Variants in LRRC36 observed in about 807,000 individuals in gnomAD.
LRRC36 encodes the protein leucine rich repeat containing 36, also known as leucine-rich repeat-containing protein 36.
A neutral mutation model predicts 81.1 loss-of-function variants in LRRC36; 62 were observed. The observed-to-expected ratio is 0.76, with a 90% CI of 0.62 to 0.94. The LOEUF is 0.94. LRRC36 is among the 40% of genes least tolerant of loss of function. The probability of loss-of-function intolerance (pLI) is 0.00; values close to 1 mark genes in which losing one functional copy is unlikely to be tolerated. For synonymous variants in LRRC36, 334 were observed against 348.6 expected, an observed-to-expected ratio of 0.96 and a Z score of 0.47; for missense variants, 761 against 881.7, an observed-to-expected ratio of 0.86 and a Z score of 1.73.
At chr16:67,335,957 C>A (rs912077887) in intron 1 of LRRC36, among the ~76,000 whole-genome samples, 5 of 152,174 alleles carry the variant, frequency 3.3e-5, no homozygotes, top group Non-Finnish European at 7.3e-5. Flanking sequence ...GTCTCAAACC[C>A]CCAGCCTCAG....
At chr16:67,353,230 A>G (rs1000772788) in intron 5 of LRRC36, among the ~76,000 whole-genome samples, 1 of 152,150 alleles carries the variant, frequency 6.6e-6, no homozygotes, top group Non-Finnish European at 1.5e-5. Context: ...CTAGGGTTTC[A>G]TCAGTATTAC....
intron 2 of LRRC36, among the ~76,000 whole-genome samples, chr16:67,345,342 T>TAC (rs1011541653): frequency 3.1e-5 from 4 of 130,624 alleles, no homozygotes; most frequent in African/African-American, 1.7e-4. Flanking sequence ...TATGCGATTA[T>TAC]ACATATGTAC....
At chr16:67,375,526 A>T in intron 10 of LRRC36, 114 bp downstream of exon 10, 1 of 717,552 alleles carries the variant, frequency 1.4e-6, no homozygotes, top group South Asian at 2.8e-5. Flanking sequence ...TCTCATGATC[A>T]CATCCTGAAA....
chr16:67,333,007 T>C (rs1165025408), intron 1 of LRRC36, among the ~76,000 whole-genome samples: 1 of 152,058 alleles, frequency 6.6e-6, no homozygotes, highest in Non-Finnish European at 1.5e-5. Flanking sequence ...TCCTCCTGAC[T>C]CTGCCTACTG....
chr16:67,327,899 G>T (rs1036856530), intron 1 of LRRC36, among the ~76,000 whole-genome samples: 3 of 152,134 alleles, frequency 2.0e-5, no homozygotes, highest in Non-Finnish European at 4.4e-5. Flanking sequence ...GGAACTTACT[G>T]GTGACCTTGA....
At chr16:67,377,284 A>G (rs1273476741) in intron 11 of LRRC36, among the ~76,000 whole-genome samples, 2 of 152,138 alleles carry the variant, frequency 1.3e-5, no homozygotes, top group Non-Finnish European at 2.9e-5. Context: ...GCTCTAGGAA[A>G]GGAAGAAGCA....
chr16:67,337,263 G>T (rs184933787), intron 1 of LRRC36, among the ~76,000 whole-genome samples: 10 of 151,946 alleles, frequency 6.6e-5, no homozygotes, highest in Admixed American at 5.9e-4. Context: ...ACCCAGAAGT[G>T]GAGTTATTCT....
At chr16:67,338,987 T>C (rs547114525) in intron 1 of LRRC36, among the ~76,000 whole-genome samples, 34 of 144,980 alleles carry the variant, frequency 2.3e-4, no homozygotes, top group Middle Eastern at 3.5e-3. Context: ...CCCTGTCTCC[T>C]GGGCTGAAGC....
chr16:67,342,593 C>T (rs1391260394), intron 2 of LRRC36, among the ~76,000 whole-genome samples: 1 of 151,982 alleles, frequency 6.6e-6, no homozygotes, highest in Non-Finnish European at 1.5e-5. Context: ...GAGCAGAGGG[C>T]AGTATAGGAA....
intron 5 of LRRC36, among the ~76,000 whole-genome samples, chr16:67,358,681 A>T (rs2142070042): frequency 6.6e-6 from 1 of 152,126 alleles, no homozygotes; most frequent in East Asian, 1.9e-4. Flanking sequence ...CTTACAACTC[A>T]ATAACAAAAA....
chr16:67,377,993 T>C (rs867693931), intron 11 of LRRC36, among the ~76,000 whole-genome samples: 3 of 152,156 alleles, frequency 2.0e-5, no homozygotes, highest in African/African-American at 4.8e-5. Flanking sequence ...CTAGAAACTT[T>C]AGATAGATCA....
intron 8 of LRRC36, 60 bp downstream of exon 8, chr16:67,367,517 G>A (rs915905362): frequency 6.8e-7 from 1 of 1,478,014 alleles, no homozygotes; most frequent in Middle Eastern, 1.8e-4. Flanking sequence ...GAAGATATAA[G>A]TGAAAATTTT....
At chr16:67,343,104 A>G (rs997063546) in intron 2 of LRRC36, among the ~76,000 whole-genome samples, 1 of 152,230 alleles carries the variant, frequency 6.6e-6, no homozygotes, top group African/African-American at 2.4e-5. Flanking sequence ...TTAAAAAATG[A>G]AAAGATAAAA....
At chr16:67,371,740 G>A (rs968558278) in intron 9 of LRRC36, 11 of 194,180 alleles carry the variant, frequency 5.7e-5, no homozygotes, top group Admixed American at 1.1e-4. Flanking sequence ...GTGTGGTGGC[G>A]CACGCCTGTA....
At chr16:67,339,259 TAAA>T (rs57925409) in intron 1 of LRRC36, among the ~76,000 whole-genome samples, 6 of 122,982 alleles carry the variant, frequency 4.9e-5, no homozygotes, top group African/African-American at 5.8e-5. Flanking sequence ...GTTAATACTG[TAAA>T]AAAAAAAAAA....
At chr16:67,354,365 C>A (rs920715284) in intron 5 of LRRC36, among the ~76,000 whole-genome samples, 1 of 152,096 alleles carries the variant, frequency 6.6e-6, no homozygotes, top group Admixed American at 6.6e-5. Context: ...GCAACTTCCA[C>A]CTCCCGGGTT....
At position 67,341,876 on chromosome 16, in the gene LRRC36, A is replaced by G. The variant is rs565100428; in HGVS notation, c.71-81A>G. 2.2e-5 allele frequency: 25 copies of G among 1,152,236 alleles called. No individual in the cohort carries two copies. In the Middle Eastern group the frequency reaches 6.1e-4, roughly 28 times the overall value. The allele number at this position is 1,152,236 out of a possible 1,614,324, so 71.4% of individuals were successfully genotyped here. A position where few individuals can be genotyped will look rare whatever the true frequency, so the allele number is the denominator to read the frequency against. ...GGGCCTTGCACAGTTGAGATATGGGAGGAAGAAAGGCCTACTTTCACTGAC... is the reference window on the plus strand; with the variant it reads ...GGGCCTTGCACAGTTGAGATATGGGGGGAAGAAAGGCCTACTTTCACTGAC... On this transcript the variant is annotated intron_variant, in intron 1 of 13. Coordinates refer to ENST00000329956, the MANE Select transcript of LRRC36 (RefSeq NM_018296.6).
At chr16:67,366,839 G>A (rs1741713703) in intron 7 of LRRC36, among the ~76,000 whole-genome samples, 178 bp from the exon 8 acceptor site, 1 of 152,090 alleles carries the variant, frequency 6.6e-6, no homozygotes, top group African/African-American at 2.4e-5. Flanking sequence ...GGTGGTGGTG[G>A]TGTTCCATGT....
intron 8 of LRRC36, 47 bp downstream of exon 8, chr16:67,367,504 A>G (rs752797917): frequency 6.6e-7 from 1 of 1,506,992 alleles, no homozygotes; most frequent in South Asian, 1.3e-5. Context: ...AGGCATGAAG[A>G]TAGAAGATAT....
Sources: allele counts gnomAD v4.1 joint callset (sites outside exome capture counted in the v4.1 genomes callset), GRCh38; gene constraint gnomAD v4.1.1; transcripts MANE v1.5; gene names NCBI Gene and HGNC (gene_info 2026-07-23, HGNC 2026-07-21).